The following TBXAS1 variants were observed in gnomAD, a reference collection of about 807,000 sequenced individuals.
TBXAS1 encodes the protein thromboxane A synthase 1, also known as thromboxane-A synthase.
Under a neutral mutation model 60.7 loss-of-function variants are expected in TBXAS1, and 48 were observed. The observed-to-expected ratio is 0.79, with a 90% CI of 0.63 to 1.01. The LOEUF (loss-of-function observed/expected upper bound fraction) is 1.01, where lower values mean the gene tolerates loss of function less well. TBXAS1 is among the 50% of genes least tolerant of loss of function. The pLI, the probability that TBXAS1 is intolerant of heterozygous loss-of-function variation, is 0.00. For missense variants in TBXAS1, 685 were observed against 686.3 expected, an observed-to-expected ratio of 1.00 and a Z score of 0.02; for synonymous variants, 287 against 269.7, an observed-to-expected ratio of 1.06 and a Z score of -0.63.
chr7:139,939,396 C>T (rs922648615), intron 5 of TBXAS1, among the ~76,000 whole-genome samples: 2 of 128,560 alleles, frequency 1.6e-5, no homozygotes, highest in East Asian at 4.2e-4. Flanking sequence ...AAAAAAAAAG[C>T]CAAGAGGTAG....
Position 139,962,028 on chromosome 7 carries a change from A to C in TBXAS1, c.929A>C (p.Lys310Thr), listed in dbSNP as rs754350556. 2 of 1,614,088 alleles carry C rather than the reference A, an allele frequency of 1.2e-6. No homozygotes were observed. The highest frequency in any genetic ancestry group is 2.7e-5 in the African/African-American group (2 of 74,932). Reference sequence around the variant, plus strand: ...GACGTTTTCTCCTCTACTGGGTGCAAGCCGAACCCTTCCCGGCAACACCAG... The same window carrying C: ...GACGTTTTCTCCTCTACTGGGTGCACGCCGAACCCTTCCCGGCAACACCAG... ...VRDVFSSTGC[K>T]PNPSRQHQPS... The change falls in exon 9 of 13, where the codon AAG (lysine) becomes ACG (threonine). Residue 310 changes from lysine to threonine, a missense_variant. By Grantham distance (78) the Lys-to-Thr change is moderately conservative (BLOSUM62 -1). Coordinates refer to ENST00000448866, the MANE Select transcript of TBXAS1 (RefSeq NM_001061.7).
chr7:139,936,453 T>A (rs1807800165), intron 5 of TBXAS1, 146 bp downstream of exon 5: 2 of 835,426 alleles, frequency 2.4e-6, no homozygotes, highest in Non-Finnish European at 2.1e-6. Context: ...ACCTCTCTGT[T>A]ATGCAGAAAG....
chr7:139,841,524 G>C (rs542936197), intron 1 of TBXAS1, among the ~76,000 whole-genome samples: 1 of 150,378 alleles, frequency 6.6e-6, no homozygotes, highest in Non-Finnish European at 1.5e-5. Flanking sequence ...TCTAGGATAT[G>C]ATGGGTACTT....
rs182843572 is a variant in TBXAS1, at chr7:139,790,853, A to G, written c.-80+3427A>G. On this transcript the variant is annotated intron_variant, in intron 4 of 16. Coordinates refer to the TBXAS1 transcript ENST00000336425. ...GGTCTCACTGTGTCACCCAGGCTGG[A>G]GTGCAGTGGTGCAATCTTGGTTCAC... Among the ~76,000 whole-genome samples, 65 of 152,316 alleles carry G rather than the reference A, an allele frequency of 4.3e-4. No homozygotes were observed. The East Asian group carries it at 0.01, about 24-fold the overall frequency.
intron 5 of TBXAS1, among the ~76,000 whole-genome samples, chr7:139,940,536 CGGCACAGTGAGTGT>C (rs1185782607): frequency 6.6e-6 from 1 of 152,128 alleles, no homozygotes; most frequent in African/African-American, 2.4e-5. Context: ...TGGAAAGCCC[CGGCACAGTGAGTGT>C]TCCTGTTGGT....
chr7:139,980,925 GC>G (rs1811926768), intron 9 of TBXAS1, among the ~76,000 whole-genome samples: 1 of 148,866 alleles, frequency 6.7e-6, no homozygotes, highest in South Asian at 2.1e-4. Context: ...TCTTCCACAA[GC>G]AGTATTCCAC....
intron 4 of TBXAS1, among the ~76,000 whole-genome samples, chr7:139,931,275 A>T (rs1255124760): frequency 3.9e-5 from 6 of 152,068 alleles, no homozygotes; most frequent in Non-Finnish European, 8.8e-5. Flanking sequence ...CATGGCTTGC[A>T]GTCTGGAAGC....
intron 5 of TBXAS1, among the ~76,000 whole-genome samples, chr7:139,939,590 C>A (rs568973317): frequency 6.6e-6 from 1 of 151,702 alleles, no homozygotes; most frequent in Non-Finnish European, 1.5e-5. Context: ...TTAGACCTGG[C>A]GAGTTGAAGT....
intron 2 of TBXAS1, among the ~76,000 whole-genome samples, chr7:139,781,703 T>G (rs1192832043): frequency 5.3e-5 from 8 of 151,538 alleles, no homozygotes; most frequent in Non-Finnish European, 1.2e-4. Context: ...GACGTGGCGG[T>G]GGGCACCTGT....
intron 5 of TBXAS1, among the ~76,000 whole-genome samples, chr7:139,951,835 GA>G (rs1809323913): frequency 9.1e-5 from 1 of 11,030 alleles, no homozygotes; most frequent in Non-Finnish European, 1.7e-4. Flanking sequence ...AAAGAGGAAA[GA>G]AAGAAAGAAG....
chr7:139,902,558 C>CA lies in TBXAS1; in HGVS notation c.237-8664dup, dbSNP rs1569511026. Among the ~76,000 whole-genome samples, 17 of 152,120 alleles carry CA rather than the reference C, an allele frequency of 1.1e-4. 1 individual carries two copies. Among genetic ancestry groups the CA allele is most frequent in the Admixed American group, 1.1e-3 (17 of 15,280 alleles). On this transcript the variant is annotated intron_variant, in intron 3 of 12. Coordinates refer to ENST00000448866, the MANE Select transcript of TBXAS1 (RefSeq NM_001061.7). ...GTTTTCAGTTTTTGCCTATTACAAA[C>CA]AAAGCTGCTGTAAACATTCATGTAC...
intron 4 of TBXAS1, among the ~76,000 whole-genome samples, chr7:139,801,480 C>A (rs201669100): frequency 8.6e-6 from 1 of 115,776 alleles, no homozygotes; most frequent in African/African-American, 3.3e-5. Flanking sequence ...CTTTTTTTTT[C>A]TTTTTTGTGA....
intron 3 of TBXAS1, among the ~76,000 whole-genome samples, chr7:139,910,926 C>A (rs1220789853): frequency 6.6e-6 from 1 of 152,154 alleles, no homozygotes; most frequent in Non-Finnish European, 1.5e-5. Context: ...ACATGTATAG[C>A]TCTGTCTTTC....
chr7:139,955,670 A>C, intron 7 of TBXAS1, 63 bp downstream of exon 7: 1 of 1,600,496 alleles, frequency 6.2e-7, no homozygotes, highest in Non-Finnish European at 8.5e-7. Context: ...ACCCCATGAC[A>C]CCTGGGGTGG....
intron 4 of TBXAS1, among the ~76,000 whole-genome samples, chr7:139,815,734 A>G (rs1167810691): frequency 6.6e-6 from 1 of 152,180 alleles, no homozygotes; most frequent in Non-Finnish European, 1.5e-5. Flanking sequence ...CAAGTATGAG[A>G]CCAGGGCTTC....
chr7:140,009,203 TGATCTCACCTGAGGA>T (rs1346256067), intron 10 of TBXAS1, among the ~76,000 whole-genome samples: 1 of 152,222 alleles, frequency 6.6e-6, no homozygotes, highest in African/African-American at 2.4e-5. Flanking sequence ...AGGAAGCTGG[TGATCTCACCTGAGGA>T]CCAGACAGAA....
chr7:139,923,161 A>AATATATATATATATATATATATATAT (rs147721420), intron 4 of TBXAS1, among the ~76,000 whole-genome samples: 4 of 150,248 alleles, frequency 2.7e-5, no homozygotes, highest in African/African-American at 9.8e-5. Flanking sequence ...CTACTAAACA[A>AATATATATATATATATATATATATAT]ATATATATAT....
intron 11 of TBXAS1, chr7:140,016,561 C>T (rs930711494): frequency 2.3e-5 from 4 of 171,644 alleles, no homozygotes; most frequent in African/African-American, 9.6e-5. Flanking sequence ...AAAAAACGGG[C>T]ATCTATGCCA....
At chr7:139,814,875 G>A (rs905797306) in intron 4 of TBXAS1, among the ~76,000 whole-genome samples, 4 of 152,138 alleles carry the variant, frequency 2.6e-5, no homozygotes, top group African/African-American at 7.2e-5. Flanking sequence ...CTTGGGTCTG[G>A]TGTCCTGGTC....
Sources: gnomAD v4.1 joint callset for allele counts (sites outside exome capture counted in the v4.1 genomes callset) on GRCh38, gnomAD v4.1.1 for gene constraint, MANE v1.5 for transcripts, NCBI Gene and HGNC (gene_info 2026-07-23, HGNC 2026-07-21) for gene names.